Variants in PCDHA3 observed in about 807,000 individuals in gnomAD.
PCDHA3 encodes protocadherin alpha 3.
In PCDHA3, 41 loss-of-function variants were observed where a neutral mutation model predicts 62.2. That is an observed-to-expected ratio of 0.66 (90% CI 0.51 to 0.86). The LOEUF (loss-of-function observed/expected upper bound fraction) is 0.86. Ranked by LOEUF, PCDHA3 falls within the 40% of genes least tolerant of loss-of-function variation. PCDHA3 has a pLI of 0.00. For synonymous variants in PCDHA3, 640 were observed against 555.4 expected, an observed-to-expected ratio of 1.15 and a Z score of -2.14; for missense variants, 1,304 against 1,241.2, an observed-to-expected ratio of 1.05 and a Z score of -0.76.
rs966554278 is a variant in PCDHA3 at position 140,906,071 on chromosome 5, G to A, written c.2395-72878G>A. On this transcript the variant is annotated intron_variant, in intron 1 of 3. Coordinates refer to ENST00000522353, the MANE Select transcript of PCDHA3 (RefSeq NM_018906.3). ...GGCTGCACTGGCAGCTGATTAGATCGCACCCACCCAGACTGAGAGTAAGTG... is the reference window on the plus strand; with the variant it reads ...GGCTGCACTGGCAGCTGATTAGATCACACCCACCCAGACTGAGAGTAAGTG... 9.2e-5 allele frequency among the ~76,000 whole-genome samples: 14 copies of A among 152,200 alleles called. 1 individual carries two copies. The highest frequency in any genetic ancestry group is 3.9e-4 in the Admixed American group (6 of 15,286).
intron 1 of PCDHA3, chr5:140,856,501 T>C (rs781967300): frequency 6.3e-7 from 1 of 1,598,302 alleles, no homozygotes; most frequent in Admixed American, 1.7e-5. Flanking sequence ...ACTCTCGATT[T>C]CCACTAGAAG....
intron 1 of PCDHA3, among the ~76,000 whole-genome samples, chr5:140,956,583 C>T (rs155799): frequency 0.28 from 42,736 of 152,052 alleles, 6,865 homozygotes; most frequent in East Asian, 0.53. Context: ...TGCATTGATG[C>T]TTATCAGGGA....
At chr5:140,828,417 T>C (rs2150155099) in intron 1 of PCDHA3, 1 of 1,614,214 alleles carries the variant, frequency 6.2e-7, no homozygotes, top group South Asian at 1.1e-5. Context: ...CTGGAGGTGA[T>C]CGTGGACAGG....
intron 1 of PCDHA3, among the ~76,000 whole-genome samples, chr5:140,896,330 A>C (rs1435351695): frequency 1.3e-5 from 2 of 152,170 alleles, no homozygotes. Flanking sequence ...CAGTGGCTAA[A>C]CTAATTTATA....
rs2150110873 is a variant in PCDHA3, at chr5:140,821,821, C to T, written c.2394+18230C>T. The T allele has an allele frequency of 6.2e-7, 1 of 1,614,102 alleles. No homozygotes were observed. The highest frequency in any genetic ancestry group is 2.2e-5 in the East Asian group (1 of 44,886). On this transcript the variant is annotated intron_variant, in intron 1 of 3. Coordinates refer to ENST00000522353, the MANE Select transcript of PCDHA3 (RefSeq NM_018906.3). ...AAGTCTGGGATCCCGGCTCCTGCTG[C>T]TCTGGCTTCTCCTTGCCTACTGGAA...
chr5:140,834,254 G>T (rs1019839548), intron 1 of PCDHA3: 1 of 927,248 alleles, frequency 1.1e-6, no homozygotes, highest in Non-Finnish European at 1.6e-6. Context: ...CTGGAAAGAC[G>T]CTCCACTCTC....
chr5:140,927,632 C>G (rs2084445013), intron 1 of PCDHA3: 2 of 1,614,142 alleles, frequency 1.2e-6, no homozygotes, highest in Non-Finnish European at 1.7e-6. Context: ...GAGACTGCAC[C>G]CAATGGGACT....
At chr5:140,943,266 AAAAAAAAAAAAG>A (rs2093453056) in intron 1 of PCDHA3, among the ~76,000 whole-genome samples, 1 of 150,226 alleles carries the variant, frequency 6.7e-6, no homozygotes, top group African/African-American at 2.5e-5. Context: ...TCAAAAAAAA[AAAAAAAAAAAAG>A]AAAGAAAGAA....
In PCDHA3 at chr5:140,853,235, T is replaced by C. The variant is rs2150529918; in HGVS notation, c.2394+49644T>C. Reference sequence around the variant, plus strand: ...TTGATGGGATTGGTAATTTAGTCCTTCATATTAATCTCTATTCTCTCTCAG... The same window carrying C: ...TTGATGGGATTGGTAATTTAGTCCTCCATATTAATCTCTATTCTCTCTCAG... On this transcript the variant is annotated intron_variant, in intron 1 of 3. Coordinates refer to ENST00000522353, the MANE Select transcript of PCDHA3 (RefSeq NM_018906.3). 4 of 980,668 alleles carry C rather than the reference T, an allele frequency of 4.1e-6. No individual in the cohort carries two copies. In the East Asian group the frequency reaches 4.6e-4, roughly 112 times the overall value. The allele number at this position is 980,668 out of a possible 1,614,324, so 60.7% of individuals were successfully genotyped here. A position where few individuals can be genotyped will look rare whatever the true frequency, so the allele number is the denominator to read the frequency against.
At chr5:140,985,740 T>TG (rs1554247304) in intron 3 of PCDHA3, among the ~76,000 whole-genome samples, 2 of 53,688 alleles carry the variant, frequency 3.7e-5, no homozygotes, top group Admixed American at 1.9e-4. Flanking sequence ...GATGAATTCC[T>TG]TTTTTTTTTT....
chr5:140,909,935 A>G (rs2074774035), intron 1 of PCDHA3, among the ~76,000 whole-genome samples: 1 of 152,154 alleles, frequency 6.6e-6, no homozygotes, highest in Admixed American at 6.5e-5. Flanking sequence ...AATCACAGTT[A>G]CTCTGGTAAA....
At chr5:140,911,591 A>G (rs2075552073) in intron 1 of PCDHA3, among the ~76,000 whole-genome samples, 2 of 152,222 alleles carry the variant, frequency 1.3e-5, no homozygotes, top group Non-Finnish European at 1.5e-5. Context: ...AGGAGGAACC[A>G]ACCAACTTCA....
At chr5:140,928,977 T>C in intron 1 of PCDHA3, 1 of 1,613,888 alleles carries the variant, frequency 6.2e-7, no homozygotes, top group Non-Finnish European at 8.5e-7. Context: ...CCTTTTTATT[T>C]CTGGGGTGCT....
intron 1 of PCDHA3, among the ~76,000 whole-genome samples, chr5:140,833,179 G>T (rs928347111): frequency 6.6e-6 from 1 of 152,198 alleles, no homozygotes; most frequent in Non-Finnish European, 1.5e-5. Flanking sequence ...GAAGATGACT[G>T]CAAGGATTAA....
At chr5:140,984,533 T>C (rs1477702565) in intron 3 of PCDHA3, among the ~76,000 whole-genome samples, 1 of 152,216 alleles carries the variant, frequency 6.6e-6, no homozygotes, top group African/African-American at 2.4e-5. Context: ...CTTCATGGAC[T>C]GTGCTGGATA....
intron 1 of PCDHA3, among the ~76,000 whole-genome samples, chr5:140,845,914 T>C (rs1554141062): frequency 1.3e-5 from 2 of 149,758 alleles, no homozygotes; most frequent in African/African-American, 2.4e-5. Context: ...ATATTAATCT[T>C]ATTTTTGTGT....
At chr5:140,894,841 T>C in intron 1 of PCDHA3, among the ~76,000 whole-genome samples, 1 of 152,184 alleles carries the variant, frequency 6.6e-6, no homozygotes, top group East Asian at 1.9e-4. Context: ...TTTCTTATGC[T>C]CATTTTTATA....
intron 1 of PCDHA3, among the ~76,000 whole-genome samples, chr5:140,947,863 G>A (rs1438094304): frequency 6.6e-6 from 1 of 151,230 alleles, no homozygotes; most frequent in Non-Finnish European, 1.5e-5. Flanking sequence ...CATTATAATG[G>A]CTAGGACTTC....
chr5:140,966,206 T>C, intron 1 of PCDHA3: 1 of 227,662 alleles, frequency 4.4e-6, no homozygotes, highest in Non-Finnish European at 8.5e-6. Context: ...GCTTGACTGC[T>C]TTTCCCAGAC....
Sources: gnomAD v4.1 joint callset for allele counts (sites outside exome capture counted in the v4.1 genomes callset) on GRCh38, gnomAD v4.1.1 for gene constraint, MANE v1.5 for transcripts, NCBI Gene and HGNC (gene_info 2026-07-23, HGNC 2026-07-21) for gene names.